COP1: variants seen among roughly 807,000 people sequenced by gnomAD.
COP1 encodes COP1 E3 ubiquitin ligase.
In COP1, 24 loss-of-function variants were observed where a neutral mutation model predicts 101.3. That is an observed-to-expected ratio of 0.24 (90% CI 0.17 to 0.33). The LOEUF (loss-of-function observed/expected upper bound fraction) is 0.33. Ranked by LOEUF, COP1 falls within the 10% of genes least tolerant of loss-of-function variation. COP1 has a pLI of 1.00. For missense variants in COP1, 663 were observed against 906.2 expected, an observed-to-expected ratio of 0.73 and a Z score of 3.45; for synonymous variants, 347 against 341.9, an observed-to-expected ratio of 1.01 and a Z score of -0.17.
chr1:176,045,583 A>G (rs79567575), intron 12 of COP1, among the ~76,000 whole-genome samples: 2 of 146,354 alleles, frequency 1.4e-5, no homozygotes, highest in African/African-American at 4.9e-5. Flanking sequence ...TTTAGAAGGA[A>G]AAAAAAAAAA....
At chr1:176,018,198 C>A (rs1241573947) in intron 15 of COP1, among the ~76,000 whole-genome samples, 1 of 152,166 alleles carries the variant, frequency 6.6e-6, no homozygotes. Flanking sequence ...TACCAATCCA[C>A]AATAGATATA....
intron 15 of COP1, among the ~76,000 whole-genome samples, chr1:176,005,681 C>G (rs932383988): frequency 2.6e-5 from 4 of 152,218 alleles, no homozygotes; most frequent in Admixed American, 1.3e-4. Flanking sequence ...ATTCTTAATC[C>G]TGAGTTCTAG....
intron 15 of COP1, among the ~76,000 whole-genome samples, chr1:176,005,330 G>A (rs776118599): frequency 3.9e-5 from 6 of 152,110 alleles, no homozygotes; most frequent in Admixed American, 3.9e-4. Context: ...TTTTTGTAGG[G>A]TTTTTTGTGT....
At chr1:176,054,649 G>T (rs1012546889) in intron 11 of COP1, among the ~76,000 whole-genome samples, 1 of 151,956 alleles carries the variant, frequency 6.6e-6, no homozygotes, top group East Asian at 1.9e-4. Flanking sequence ...ATACTTGTGC[G>T]GTAAGTCCCA....
chr1:176,014,869 G>A (rs976013544), intron 15 of COP1, among the ~76,000 whole-genome samples: 1 of 152,074 alleles, frequency 6.6e-6, no homozygotes, highest in Non-Finnish European at 1.5e-5. Flanking sequence ...GCAGTTGTAA[G>A]GGACATTGTG....
rs994731306 is a variant in COP1 at position 176,153,549 on chromosome 1, T to C, written c.763-4475A>G. Reference sequence around the variant, plus strand: ...TCATCTGCAAACAGATAGTTTGACTTACTCTCTTCCTATTTGGATCCCCTT... The same window carrying C: ...TCATCTGCAAACAGATAGTTTGACTCACTCTCTTCCTATTTGGATCCCCTT... On this transcript the variant is annotated intron_variant, in intron 5 of 19. Transcript: ENST00000367669. 2.6e-5 allele frequency among the ~76,000 whole-genome samples: 4 copies of C among 152,228 alleles called. No homozygotes were observed. In the East Asian group the frequency reaches 5.8e-4, roughly 22 times the overall value.
intron 18 of COP1, among the ~76,000 whole-genome samples, chr1:175,978,796 G>GA (rs578016929): frequency 6.6e-6 from 1 of 152,134 alleles, no homozygotes; most frequent in Admixed American, 6.6e-5. Context: ...AAGGAAGACA[G>GA]AAAGAAAGAG....
At chr1:175,986,735 G>T (rs944441897) in intron 18 of COP1, among the ~76,000 whole-genome samples, 1 of 152,198 alleles carries the variant, frequency 6.6e-6, no homozygotes, top group African/African-American at 2.4e-5. Context: ...ATGGGTCACA[G>T]AGGGACATTA....
intron 8 of COP1, among the ~76,000 whole-genome samples, chr1:176,130,228 A>T (rs544298297): frequency 6.6e-6 from 1 of 151,842 alleles, no homozygotes; most frequent in African/African-American, 2.4e-5. Flanking sequence ...CTAAAAAGTT[A>T]AAAAATGTCT....
At chr1:176,158,594 G>C (rs1693822000) in intron 5 of COP1, among the ~76,000 whole-genome samples, 1 of 150,010 alleles carries the variant, frequency 6.7e-6, no homozygotes. Flanking sequence ...ACAATGGCCA[G>C]GAGAGAGAAA....
At chr1:175,964,029 C>T (rs945503825) in intron 18 of COP1, among the ~76,000 whole-genome samples, 6 of 152,092 alleles carry the variant, frequency 3.9e-5, no homozygotes, top group African/African-American at 1.4e-4. Context: ...TTATCTTGTG[C>T]CAACTATTTT....
At chr1:176,105,992 T>G (rs1031234287) in intron 9 of COP1, among the ~76,000 whole-genome samples, 4 of 152,144 alleles carry the variant, frequency 2.6e-5, no homozygotes, top group Non-Finnish European at 4.4e-5. Flanking sequence ...CTTAACTAAC[T>G]TTGGGAGGAA....
At chr1:175,964,144 A>G (rs890008775) in intron 18 of COP1, among the ~76,000 whole-genome samples, 33 of 152,180 alleles carry the variant, frequency 2.2e-4, no homozygotes, top group Non-Finnish European at 4.6e-4. Flanking sequence ...GAAAGGTTAA[A>G]TAACTTTCCC....
intron 9 of COP1, among the ~76,000 whole-genome samples, chr1:176,111,381 C>T (rs772582513): frequency 1.8e-4 from 27 of 152,150 alleles, no homozygotes; most frequent in Admixed American, 5.2e-4. Context: ...GCAACCACTA[C>T]CTCCTGGGTT....
intron 15 of COP1, among the ~76,000 whole-genome samples, chr1:176,026,113 T>C (rs1321229628): frequency 1.3e-5 from 2 of 152,038 alleles, no homozygotes; most frequent in Admixed American, 6.5e-5. Context: ...TATGAAAATG[T>C]ATAATACTGG....
chr1:176,193,706 A>G (rs1355083030), intron 1 of COP1, among the ~76,000 whole-genome samples: 1 of 152,214 alleles, frequency 6.6e-6, no homozygotes, highest in Non-Finnish European at 1.5e-5. Context: ...GGGATACAAA[A>G]GACCATATAT....
At chr1:176,158,016 A>C (rs1376740540) in intron 5 of COP1, among the ~76,000 whole-genome samples, 2 of 152,166 alleles carry the variant, frequency 1.3e-5, no homozygotes, top group Non-Finnish European at 2.9e-5. Context: ...AATGGCTGAA[A>C]ATTTTCTAAA....
intron 11 of COP1, among the ~76,000 whole-genome samples, chr1:176,070,095 A>C (rs1042010555): frequency 2.6e-5 from 4 of 152,140 alleles, no homozygotes; most frequent in African/African-American, 9.7e-5. Context: ...CCCTGTTGCT[A>C]CTTGAACAAG....
Position 175,972,339 on chromosome 1 carries a change from G to A in COP1, c.2133+14604C>T, listed in dbSNP as rs80301588. On this transcript the variant is annotated intron_variant, in intron 18 of 19. Transcript: ENST00000367669. ...TTGAACTCAGAGGGAAAACCAAGACGTATTTTTCTGCTTTTGGTCAGGTGG... is the reference window on the plus strand; with the variant it reads ...TTGAACTCAGAGGGAAAACCAAGACATATTTTTCTGCTTTTGGTCAGGTGG... 3.4e-3 allele frequency among the ~76,000 whole-genome samples: 523 copies of A among 152,190 alleles called. 5 individuals are homozygous for A. The highest frequency in any genetic ancestry group is 5.9e-3 in the Non-Finnish European group (400 of 68,010).
Sources: gnomAD v4.1 joint callset for allele counts (sites outside exome capture counted in the v4.1 genomes callset) on GRCh38, gnomAD v4.1.1 for gene constraint, MANE v1.5 for transcripts, NCBI Gene and HGNC (gene_info 2026-07-23, HGNC 2026-07-21) for gene names.